The following PCDH7 variants were observed in gnomAD, a reference collection of about 807,000 sequenced individuals.
PCDH7 encodes the protein protocadherin 7, also known as protocadherin-7.
A neutral mutation model predicts 58.9 loss-of-function variants in PCDH7; 17 were observed. That is an observed-to-expected ratio of 0.29 (90% CI 0.20 to 0.43). PCDH7 has a LOEUF of 0.43. Among genes scored for constraint, PCDH7 ranks in the 20% least tolerant of loss-of-function variants. The pLI is 1.00. For missense variants in PCDH7, 1,274 were observed against 1,441.0 expected (o/e 0.88, Z 1.88); for synonymous variants, 664 against 616.4 (o/e 1.08, Z -1.14).
At chr4:31,108,161 G>A (rs942227169) in intron 3 of PCDH7, among the ~76,000 whole-genome samples, 1 of 151,856 alleles carries the variant, frequency 6.6e-6, no homozygotes, top group Admixed American at 6.6e-5. Context: ...ACCAGATCAT[G>A]TTTATGGTAT....
intron 3 of PCDH7, among the ~76,000 whole-genome samples, chr4:30,991,485 A>C (rs1751461234): frequency 6.6e-6 from 1 of 152,014 alleles, no homozygotes; most frequent in Non-Finnish European, 1.5e-5. Context: ...TTAGATCAGC[A>C]CTCTCGAGAC....
In PCDH7 at chr4:31,066,687, A is replaced by T. The variant is rs560488501; in HGVS notation, c.*8-75786A>T. Among the ~76,000 whole-genome samples, 10 of 152,020 alleles carry T rather than the reference A, an allele frequency of 6.6e-5. No individual in the cohort carries two copies. The East Asian group carries it at 1.7e-3, about 27-fold the overall frequency. On this transcript the variant is annotated intron_variant, in intron 3 of 3. Coordinates refer to the PCDH7 transcript ENST00000509759. ...AATGCTTGATTTTAAATAGGGTTTA[A>T]TATATTTTGGTCATGCCATTGACAC...
chr4:30,833,270 C>G (rs1014514529), intron 1 of PCDH7, among the ~76,000 whole-genome samples: 4 of 152,056 alleles, frequency 2.6e-5, no homozygotes, highest in Non-Finnish European at 5.9e-5. Flanking sequence ...GGCTAAAATC[C>G]AGATATCAGC....
chr4:31,078,928 T>A (rs748958939), intron 3 of PCDH7, among the ~76,000 whole-genome samples: 4 of 151,964 alleles, frequency 2.6e-5, no homozygotes, highest in Non-Finnish European at 5.9e-5. Context: ...TATATGTGGA[T>A]AATTAATTTA....
Position 30,870,715 on chromosome 4 carries a change from A to G in PCDH7, c.71-49438A>G, listed in dbSNP as rs550025463. The stretch of plus-strand genomic sequence containing the variant: ...CACAGAAAGATCACATTTTGGCATC[A>G]CTTGGAAGCCATTGTTTGCAGAAGG... On this transcript the variant is annotated intron_variant, in intron 1 of 3. Transcript: ENST00000509759. Among the ~76,000 whole-genome samples, 9 of 152,204 alleles carry G rather than the reference A, an allele frequency of 5.9e-5. No individual in the cohort carries two copies. In the East Asian group the frequency reaches 1.7e-3, roughly 30 times the overall value.
At chr4:30,829,053 A>G (rs1443158566) in intron 1 of PCDH7, among the ~76,000 whole-genome samples, 3 of 151,996 alleles carry the variant, frequency 2.0e-5, no homozygotes, top group African/African-American at 7.2e-5. Context: ...GATCTAAGCC[A>G]TATACATGTG....
At chr4:30,964,798 CT>C (rs1748854813) in intron 3 of PCDH7, among the ~76,000 whole-genome samples, 1 of 152,040 alleles carries the variant, frequency 6.6e-6, no homozygotes, top group Admixed American at 6.6e-5. Context: ...AGTCCTTTCC[CT>C]TTTCCACATT....
At chr4:30,895,993 G>C (rs1292998975) in intron 1 of PCDH7, among the ~76,000 whole-genome samples, 1 of 152,174 alleles carries the variant, frequency 6.6e-6, no homozygotes, top group Admixed American at 6.5e-5. Flanking sequence ...AATGTCAAAG[G>C]TATTTGGAGA....
At chr4:30,861,228 T>A (rs1406547285) in intron 1 of PCDH7, among the ~76,000 whole-genome samples, 2 of 152,172 alleles carry the variant, frequency 1.3e-5, no homozygotes, top group African/African-American at 4.8e-5. Flanking sequence ...CATTACAGGA[T>A]CTTGAGTTGT....
chr4:31,143,146 A>AG (rs1157696100), downstream of PCDH7: 3 of 193,306 alleles, frequency 1.6e-5, no homozygotes, highest in Non-Finnish European at 2.1e-5. Context: ...AGAAAAAAAA[A>AG]GGGGGATAGT....
chr4:30,722,737 G>T lies in PCDH7; in HGVS notation c.1315G>T (p.Asp439Tyr), dbSNP rs766623156. ...CAACGTGGCCGAGGACGTTCTGGTC[G>T]ACACCCCCATCGCTCTGGTGCAGGT... Residue 439 changes from aspartate (D) to tyrosine (Y), a missense_variant, in exon 1 of 2, where the codon GAC (aspartate) becomes TAC (tyrosine). Asp to Tyr is a radical substitution (Grantham distance 160). Transcript: ENST00000361762. The surrounding 1 kb of genome is among the most constrained non-coding windows in gnomAD (Gnocchi z 7.6). 6.2e-7 allele frequency: 1 copy of T among 1,613,362 alleles called. No individual in the cohort carries two copies. The highest frequency in any genetic ancestry group is 8.5e-7 in the Non-Finnish European group (1 of 1,180,014).
At chr4:31,067,856 T>C (rs1344886234) in intron 3 of PCDH7, among the ~76,000 whole-genome samples, 1 of 151,948 alleles carries the variant, frequency 6.6e-6, no homozygotes, top group African/African-American at 2.4e-5. Flanking sequence ...TGGAGATAAA[T>C]GATATATACA....
intron 1 of PCDH7, among the ~76,000 whole-genome samples, chr4:30,755,305 C>A (rs903110196): frequency 7.9e-5 from 12 of 152,208 alleles, no homozygotes; most frequent in African/African-American, 2.4e-4. Context: ...CTTTCTTCCT[C>A]ACAATTTTGA....
rs1399321397 is a variant in PCDH7 at position 31,077,515 on chromosome 4, G to A, written c.*8-64958G>A. 2.6e-5 allele frequency among the ~76,000 whole-genome samples: 4 copies of A among 152,012 alleles called. No homozygotes were observed. The East Asian group carries it at 5.8e-4, about 22-fold the overall frequency. On this transcript the variant is annotated intron_variant, in intron 3 of 3. Transcript: ENST00000509759. ...TGAGTTAACGGAGATGATGCATTTCGGATACTGAAGAGAGTAGTAGACAAA... is the reference window on the plus strand; with the variant it reads ...TGAGTTAACGGAGATGATGCATTTCAGATACTGAAGAGAGTAGTAGACAAA...
At chr4:30,947,641 T>A (rs2088422635) in intron 2 of PCDH7, among the ~76,000 whole-genome samples, 1 of 152,200 alleles carries the variant, frequency 6.6e-6, no homozygotes, top group Non-Finnish European at 1.5e-5. Flanking sequence ...TATATAGTAA[T>A]CACATCAGAG....
At chr4:30,894,379 T>C (rs1460011244) in intron 1 of PCDH7, among the ~76,000 whole-genome samples, 2 of 147,120 alleles carry the variant, frequency 1.4e-5, no homozygotes, top group Non-Finnish European at 3.0e-5. Flanking sequence ...CTCCCTGTAA[T>C]TGTAGCTTTC....
chr4:30,872,397 G>T (rs1296253561), intron 1 of PCDH7, among the ~76,000 whole-genome samples: 1 of 152,070 alleles, frequency 6.6e-6, no homozygotes, highest in Admixed American at 6.6e-5. Flanking sequence ...AATAGTCAAT[G>T]AGTGAGCATG....
intron 1 of PCDH7, among the ~76,000 whole-genome samples, chr4:30,874,440 A>T (rs1325447685): frequency 6.6e-6 from 1 of 151,926 alleles, no homozygotes; most frequent in Non-Finnish European, 1.5e-5. Flanking sequence ...TATTGCAAGG[A>T]CAAAAAAGCA....
intron 3 of PCDH7, among the ~76,000 whole-genome samples, chr4:31,019,889 G>A (rs1753897856): frequency 2.0e-5 from 3 of 151,948 alleles, no homozygotes; most frequent in Non-Finnish European, 4.4e-5. Context: ...GGAGTGGGGA[G>A]CTGGGGATAT....
Sources: allele counts gnomAD v4.1 joint callset (sites outside exome capture counted in the v4.1 genomes callset), GRCh38; gene constraint gnomAD v4.1.1; non-coding constraint Gnocchi (gnomAD v3.1); transcripts MANE v1.5; gene names NCBI Gene and HGNC (gene_info 2026-07-23, HGNC 2026-07-21).